TRIM41: variants seen among roughly 807,000 people sequenced by gnomAD.
TRIM41 encodes E3 ubiquitin-protein ligase TRIM41.
A neutral mutation model predicts 60.6 loss-of-function variants in TRIM41; 21 were observed. That is an observed-to-expected ratio of 0.35 (90% CI 0.25 to 0.50). TRIM41 has a LOEUF of 0.50. TRIM41 is among the 20% of genes least tolerant of loss of function. The pLI is 0.98. For synonymous variants in TRIM41, 407 were observed against 344.9 expected (o/e 1.18, Z -2.00); for missense variants, 846 against 868.3 (o/e 0.97, Z 0.32).
Position 181,235,454 on chromosome 5 carries a change from AATT to A in TRIM41, c.*683_*685del. The A allele has an allele frequency of 6.2e-7, 1 of 1,604,176 alleles. No individual in the cohort carries two copies. The highest frequency in any genetic ancestry group is 8.5e-7 in the Non-Finnish European group (1 of 1,173,484). On this transcript the variant is annotated 3_prime_UTR_variant, in exon 6 of 6. Transcript: ENST00000315073. The stretch of plus-strand genomic sequence containing the variant: ...TCATTACATTAATTACATCAACATA[AATT>A]ATTTCTTCCCCCTTCCCTTTTCCAG...
rs868313949 is a variant in TRIM41, at chr5:181,234,055, C to T, written c.1292-119C>T. On this transcript the variant is annotated intron_variant, in intron 5 of 5. Transcript: ENST00000315073. This position sits in a 1 kb window ranked among gnomAD's most constrained non-coding sequence, Gnocchi z 5.6. ...GAGCCTGCAGGAATCTGAGGCTGGCCTCTGGGATGGTGTGGGGAGCTGGAT... is the reference window on the plus strand; with the variant it reads ...GAGCCTGCAGGAATCTGAGGCTGGCTTCTGGGATGGTGTGGGGAGCTGGAT... The T allele has an allele frequency of 5.9e-6, 9 of 1,536,244 alleles. No individual in the cohort carries two copies. In the Middle Eastern group the frequency reaches 1.3e-3, roughly 216 times the overall value.
chr5:181,229,216 G>C (rs1397973225), intron 1 of TRIM41: 1 of 152,158 alleles, frequency 6.6e-6, no homozygotes, highest in Non-Finnish European at 1.5e-5. Context: ...AAGGTATAGG[G>C]AACAAATATT....
chr5:181,234,465 C>G lies in TRIM41; in HGVS notation c.1583C>G (p.Ser528Trp). 6.2e-7 allele frequency: 1 copy of G among 1,612,734 alleles called. No individual in the cohort carries two copies. The highest frequency in any genetic ancestry group is 8.5e-7 in the Non-Finnish European group (1 of 1,179,338). ...SSVGSGDASS[S>W]RHHHRRRRLH... Reference sequence around the variant, plus strand: ...GTGGGCAGCGGGGATGCCAGCTCCTCGCGCCATCACCATCGCCGCCGCCGG... The same window carrying G: ...GTGGGCAGCGGGGATGCCAGCTCCTGGCGCCATCACCATCGCCGCCGCCGG... Residue 528 changes from serine (S) to tryptophan (W), a missense_variant, in exon 6 of 6, where the codon TCG becomes TGG. Physicochemically the swap from Ser to Trp is radical, Grantham distance 177 (BLOSUM62 -3). Coordinates refer to ENST00000315073, the MANE Select transcript of TRIM41 (RefSeq NM_033549.5). The surrounding 1 kb of genome is among the most constrained non-coding windows in gnomAD (Gnocchi z 5.6).
chr5:181,232,592 T>A, intron 2 of TRIM41, 67 bp from the exon 3 acceptor site: 2 of 1,488,084 alleles, frequency 1.3e-6, no homozygotes, highest in Non-Finnish European at 1.8e-6. Flanking sequence ...AAGTAGTAGT[T>A]GCAAAACTGG....
rs375748627 is a variant in TRIM41 at position 181,224,477 on chromosome 5, G to A, written c.478G>A (p.Val160Ile). Residue 160 changes from valine (V) to isoleucine (I), a missense_variant, in exon 1 of 6, where the codon GTT becomes ATT. By Grantham distance (29) the Val-to-Ile change is conservative. Coordinates refer to ENST00000315073, the MANE Select transcript of TRIM41 (RefSeq NM_033549.5). ...EEDEEEVLEEVEEEDLDPVTP... is the reference protein window; with the variant it reads ...EEDEEEVLEEIEEEDLDPVTP... ...GGACGAGGAGGAAGTGCTGGAGGAG[G>A]TTGAGGAAGAGGATCTAGACCCCGT... is the stretch of plus-strand genomic sequence containing the variant. 3.1e-6 allele frequency: 5 copies of A among 1,613,622 alleles called. No homozygotes were observed. The highest frequency in any genetic ancestry group is 1.6e-4 in the Middle Eastern group (1 of 6,082).
chr5:181,228,946 A>AC (rs1561670159), intron 1 of TRIM41: 2 of 151,696 alleles, frequency 1.3e-5, no homozygotes, highest in South Asian at 2.1e-4. Flanking sequence ...AAAAAAAAAA[A>AC]AAAAAAAAAA....
chr5:181,232,963 C>T (rs944092179), intron 3 of TRIM41, 74 bp downstream of exon 3: 2 of 1,411,550 alleles, frequency 1.4e-6, no homozygotes, highest in African/African-American at 1.4e-5. Flanking sequence ...AACGCCTGTC[C>T]AGAGCTGCCT....
Position 181,233,376 on chromosome 5 carries a change from T to C in TRIM41, c.1141-37T>C, listed in dbSNP as rs773793754. 1.3e-6 allele frequency: 2 copies of C among 1,597,328 alleles called. No individual in the cohort carries two copies. The highest frequency in any genetic ancestry group is 3.3e-5 in the Admixed American group (2 of 59,982). Reference sequence around the variant, plus strand: ...TGCAGCTGACACTCTCTTTATCTCTTTCTCCCTCTCCCTCTTTTTGTTTCT... The same window carrying C: ...TGCAGCTGACACTCTCTTTATCTCTCTCTCCCTCTCCCTCTTTTTGTTTCT... On this transcript the variant is annotated intron_variant, in intron 3 of 5. Transcript: ENST00000315073. This position sits in a 1 kb window ranked among gnomAD's most constrained non-coding sequence, Gnocchi z 4.1.
Position 181,234,628 on chromosome 5 carries a change from C to A in TRIM41, c.1746C>A (p.Tyr582Ter). Residue 582 changes from tyrosine to a stop codon, truncating the protein, a stop_gained, in exon 6 of 6, where the codon TAC (tyrosine) becomes TAA (stop). Coordinates refer to ENST00000315073, the MANE Select transcript of TRIM41 (RefSeq NM_033549.5). LOFTEE classifies it high-confidence loss of function. The surrounding 1 kb of genome is among the most constrained non-coding windows in gnomAD (Gnocchi z 5.6). ...PSEKPRRFGVYLDYEAGRLGF... is the reference protein window; with the variant it reads ...PSEKPRRFGV The stretch of plus-strand genomic sequence containing the variant: ...AGAAACCAAGGCGCTTTGGTGTGTA[C>A]CTGGACTATGAAGCTGGGCGCCTGG... 6.2e-7 allele frequency: 1 copy of A among 1,614,224 alleles called. No homozygotes were observed.
intron 1 of TRIM41, chr5:181,228,061 C>G (rs1185853788): frequency 6.6e-6 from 1 of 151,798 alleles, no homozygotes; most frequent in Non-Finnish European, 1.5e-5. Context: ...CTGTGTCTGC[C>G]CGACAGTTAA....
At position 181,233,189 on chromosome 5, in the gene TRIM41, A is replaced by G; in HGVS notation, c.1141-224A>G. The G allele has an allele frequency of 1.4e-6, 1 of 718,538 alleles. No individual in the cohort carries two copies. The highest frequency in any genetic ancestry group is 2.5e-6 in the Non-Finnish European group (1 of 396,522). 44.5% of individuals were successfully genotyped at this position (718,538 alleles called of 1,614,324 possible). ...AAGGTGAGCAAGTCGTATTGTGGAA[A>G]TGACAGTATCCCTGGGCTCACAGCA... is the stretch of plus-strand genomic sequence containing the variant. On this transcript the variant is annotated intron_variant, in intron 3 of 5. Coordinates refer to ENST00000315073, the MANE Select transcript of TRIM41 (RefSeq NM_033549.5). The surrounding 1 kb of genome is among the most constrained non-coding windows in gnomAD (Gnocchi z 4.1).
At chr5:181,226,888 T>C (rs924956971) in intron 1 of TRIM41, 20 of 152,256 alleles carry the variant, frequency 1.3e-4, no homozygotes, top group African/African-American at 4.8e-4. Context: ...TTTTTTTTTT[T>C]TTGAGACAGA....
intron 1 of TRIM41, 134 bp from the exon 2 acceptor site, chr5:181,230,610 A>AT (rs1055392324): frequency 3.8e-5 from 24 of 631,490 alleles, no homozygotes; most frequent in Non-Finnish European, 6.6e-5. Flanking sequence ...GGAAGGTATA[A>AT]TACTCACTTG....
intron 1 of TRIM41, 192 bp downstream of exon 1, chr5:181,225,004 G>A: frequency 1.4e-6 from 1 of 695,416 alleles, no homozygotes; most frequent in Non-Finnish European, 2.4e-6. Flanking sequence ...CAGAGCAGAT[G>A]CAGTGAAGAC....
chr5:181,235,007 T>C lies in TRIM41; in HGVS notation c.*232T>C, dbSNP rs772062312. 3 of 1,614,054 alleles carry C rather than the reference T, an allele frequency of 1.9e-6. No individual in the cohort carries two copies. The highest frequency in any genetic ancestry group is 2.2e-5 in the East Asian group (1 of 44,884). ...TGTCTGTCCAACAGGTCTGCATGGG[T>C]CCCTGATAATGAGAACAGCTGCCTG... On this transcript the variant is annotated 3_prime_UTR_variant, in exon 6 of 6. Coordinates refer to ENST00000315073, the MANE Select transcript of TRIM41 (RefSeq NM_033549.5).
chr5:181,227,809 C>T (rs910931463), intron 1 of TRIM41: 1 of 151,952 alleles, frequency 6.6e-6, no homozygotes, highest in South Asian at 2.1e-4. Flanking sequence ...TTTTTTGAGA[C>T]AGGGTCTCAC....
intron 1 of TRIM41, 170 bp from the exon 2 acceptor site, chr5:181,230,574 G>T: frequency 1.0e-5 from 4 of 400,128 alleles, no homozygotes; most frequent in South Asian, 2.3e-5. Flanking sequence ...GGAGGCTTTT[G>T]TCATCATCTG....
rs543071334 is a variant in TRIM41 at position 181,223,913 on chromosome 5, G to T, written c.-87G>T. 1.4e-6 allele frequency: 2 copies of T among 1,416,856 alleles called. No homozygotes were observed. The highest frequency in any genetic ancestry group is 2.8e-5 in the African/African-American group (2 of 70,802). The allele number at this position is 1,416,856 out of a possible 1,614,324, so 87.8% of individuals were successfully genotyped here. A position where few individuals can be genotyped will look rare whatever the true frequency, so the allele number is the denominator to read the frequency against. On this transcript the variant is annotated 5_prime_UTR_variant, in exon 1 of 6. Coordinates refer to ENST00000315073, the MANE Select transcript of TRIM41 (RefSeq NM_033549.5). ...GGTGTGGAGGGGCAGGGCTGGGGGT[G>T]GAGCCGGGTCGCCAGGGCGTCGGTA...
chr5:181,223,480 C>T lies in TRIM41; in HGVS notation c.-520C>T, dbSNP rs1194673143. 1 of 402,854 alleles carries T rather than the reference C, an allele frequency of 2.5e-6. No individual in the cohort carries two copies. The highest frequency in any genetic ancestry group is 4.4e-6 in the Non-Finnish European group (1 of 228,294). The allele number at this position is 402,854 out of a possible 1,614,324, so 25.0% of individuals were successfully genotyped here. A position where few individuals can be genotyped will look rare whatever the true frequency, so the allele number is the denominator to read the frequency against. On this transcript the variant is annotated 5_prime_UTR_variant, in exon 1 of 6. Coordinates refer to ENST00000315073, the MANE Select transcript of TRIM41 (RefSeq NM_033549.5). Reference sequence around the variant, plus strand: ...TTTCTGCGTTCCCCGCGGCCTCTTACCACAGAGACGCGGGCCTCCACCGTC... The same window carrying T: ...TTTCTGCGTTCCCCGCGGCCTCTTATCACAGAGACGCGGGCCTCCACCGTC...
Sources: gnomAD v4.1 joint callset for allele counts on GRCh38, gnomAD v4.1.1 for gene constraint, Gnocchi (gnomAD v3.1) non-coding constraint, MANE v1.5 for transcripts, NCBI Gene and HGNC (gene_info 2026-07-23, HGNC 2026-07-21) for gene names.